SRBD1: variants seen among roughly 807,000 people sequenced by gnomAD.
The protein encoded by SRBD1 is S1 RNA-binding domain-containing protein 1.
SRBD1 carries 88 observed loss-of-function variants against 115.3 expected under a neutral mutation model. The ratio of observed to expected loss-of-function variants is 0.76; its 90% CI spans 0.64 to 0.91. SRBD1 has a LOEUF of 0.91. Among genes scored for constraint, SRBD1 ranks in the 40% least tolerant of loss-of-function variants. SRBD1 has a pLI of 0.00. For missense variants in SRBD1, 1,385 were observed against 1,177.4 expected (o/e 1.18, Z -2.58); for synonymous variants, 509 against 407.7 (o/e 1.25, Z -2.99).
intron 16 of SRBD1, among the ~76,000 whole-genome samples, chr2:45,432,313 G>A (rs1668365698): frequency 6.6e-6 from 1 of 151,612 alleles, no homozygotes; most frequent in South Asian, 2.1e-4. Context: ...ACAGGTGTGA[G>A]CCACTGCGCC....
chr2:45,561,208 T>C (rs1672655384), intron 10 of SRBD1, among the ~76,000 whole-genome samples: 2 of 152,246 alleles, frequency 1.3e-5, no homozygotes, highest in African/African-American at 4.8e-5. Flanking sequence ...TAAATGCTAA[T>C]TGTAAATTGT....
intron 9 of SRBD1, among the ~76,000 whole-genome samples, chr2:45,571,256 A>AT (rs1396503523): frequency 1.3e-5 from 2 of 151,694 alleles, no homozygotes; most frequent in Non-Finnish European, 2.9e-5. Flanking sequence ...CTTTTAGGGG[A>AT]TTTTTTTCTT....
At chr2:45,603,781 T>G (rs1343786505) in intron 2 of SRBD1, among the ~76,000 whole-genome samples, 1 of 152,140 alleles carries the variant, frequency 6.6e-6, no homozygotes, top group Non-Finnish European at 1.5e-5. Context: ...CAGCCCGACG[T>G]GGCCTCCCAA....
At chr2:45,574,837 A>C in intron 7 of SRBD1, 114 bp from the exon 8 acceptor site, 1 of 881,330 alleles carries the variant, frequency 1.1e-6, no homozygotes, top group Non-Finnish European at 1.7e-6. Flanking sequence ...TTAAGTTGAC[A>C]GTCTTAAGAC....
intron 14 of SRBD1, among the ~76,000 whole-genome samples, chr2:45,543,408 C>T (rs947371266): frequency 3.9e-5 from 6 of 152,122 alleles, no homozygotes; most frequent in Non-Finnish European, 7.3e-5. Flanking sequence ...ATTTGTTAAC[C>T]TATGGCAGCA....
chr2:45,495,261 T>C (rs1670419890), intron 14 of SRBD1, among the ~76,000 whole-genome samples: 2 of 152,240 alleles, frequency 1.3e-5, no homozygotes, highest in Admixed American at 1.3e-4. Context: ...TAATTTGGAT[T>C]TTGGGGTTCC....
intron 11 of SRBD1, among the ~76,000 whole-genome samples, chr2:45,551,773 T>C (rs539662585): frequency 1.3e-5 from 2 of 151,886 alleles, no homozygotes; most frequent in South Asian, 4.2e-4. Flanking sequence ...AAAAAACAGA[T>C]CACAAAGGGT....
At chr2:45,545,341 C>T (rs931132236) in intron 14 of SRBD1, among the ~76,000 whole-genome samples, 1 of 146,546 alleles carries the variant, frequency 6.8e-6, no homozygotes, top group Non-Finnish European at 1.5e-5. Flanking sequence ...TTGTCTGACC[C>T]CACAGTTCAT....
Position 45,479,758 on chromosome 2 carries a change from C to T in SRBD1, c.1967-2683G>A, listed in dbSNP as rs1382221158. Among the ~76,000 whole-genome samples, 8 of 152,176 alleles carry T rather than the reference C, an allele frequency of 5.3e-5. No homozygotes were observed. In the East Asian group the frequency reaches 1.5e-3, roughly 29 times the overall value. On this transcript the variant is annotated intron_variant, in intron 15 of 20. Transcript: ENST00000263736. Reference sequence around the variant, plus strand: ...TAATGAAGGTGGCTACAATAAACAGCAGATTGTCAATGTAAACAAAATAGC... The same window carrying T: ...TAATGAAGGTGGCTACAATAAACAGTAGATTGTCAATGTAAACAAAATAGC...
At chr2:45,488,601 T>C (rs898237281) in intron 14 of SRBD1, among the ~76,000 whole-genome samples, 1 of 152,186 alleles carries the variant, frequency 6.6e-6, no homozygotes, top group East Asian at 1.9e-4. Context: ...CTGGTAACAA[T>C]AGATGGTTTA....
chr2:45,594,922 G>C (rs965915375), intron 4 of SRBD1, among the ~76,000 whole-genome samples: 1 of 152,188 alleles, frequency 6.6e-6, no homozygotes, highest in Non-Finnish European at 1.5e-5. Context: ...AAAGACTGAA[G>C]TAACTTCATT....
intron 9 of SRBD1, among the ~76,000 whole-genome samples, chr2:45,571,538 A>C (rs960372630): frequency 7.2e-6 from 1 of 138,688 alleles, no homozygotes; most frequent in Non-Finnish European, 1.5e-5. Context: ...AAAAAAAAAA[A>C]AAAACTGTCC....
At chr2:45,488,090 C>T (rs1012641920) in intron 15 of SRBD1, 150 bp downstream of exon 15, 23 of 658,500 alleles carry the variant, frequency 3.5e-5, no homozygotes, top group Non-Finnish European at 4.0e-5. Context: ...AATTATTAGT[C>T]CAATTAACCA....
Position 45,551,224 on chromosome 2 carries a change from G to C in SRBD1, c.1576C>G (p.Arg526Gly). The C allele has an allele frequency of 6.2e-7, 1 of 1,613,072 alleles. No individual in the cohort carries two copies. The highest frequency in any genetic ancestry group is 8.5e-7 in the Non-Finnish European group (1 of 1,179,852). The change falls in exon 12 of 21, where the codon CGT becomes GGT. Residue 526 changes from arginine (R) to glycine (G), a missense_variant. Transcript: ENST00000263736. ...ESVMMFGRNL[R>G]QLLLTSPVPG... Reference sequence around the variant, plus strand: ...ACAGGGCTTGTTAAAAGGAGCTGACGAAGGTTCCGTCCAAACATCATTACT... The same window carrying C: ...ACAGGGCTTGTTAAAAGGAGCTGACCAAGGTTCCGTCCAAACATCATTACT...
intron 1 of SRBD1, among the ~76,000 whole-genome samples, chr2:45,606,375 G>T (rs1053015292): frequency 6.6e-6 from 1 of 152,006 alleles, no homozygotes; most frequent in Non-Finnish European, 1.5e-5. Context: ...GGTCAGGCTG[G>T]TCTTGAACTC....
chr2:45,520,652 A>T (rs1671254423), intron 14 of SRBD1, among the ~76,000 whole-genome samples: 1 of 151,322 alleles, frequency 6.6e-6, no homozygotes, highest in Admixed American at 6.6e-5. Flanking sequence ...TGAAGAGACA[A>T]GCAAATGGCA....
intron 6 of SRBD1, among the ~76,000 whole-genome samples, chr2:45,580,610 C>T (rs1000047315): frequency 7.4e-5 from 11 of 148,092 alleles, no homozygotes; most frequent in East Asian, 3.9e-4. Flanking sequence ...CTGCCCGCCT[C>T]GGCCTCCCAA....
chr2:45,538,831 G>C (rs1671844932), intron 14 of SRBD1, among the ~76,000 whole-genome samples: 1 of 152,042 alleles, frequency 6.6e-6, no homozygotes, highest in Non-Finnish European at 1.5e-5. Context: ...ATGATTCTCT[G>C]AGTAATGACA....
At chr2:45,557,488 T>A (rs1245998670) in intron 10 of SRBD1, among the ~76,000 whole-genome samples, 1 of 152,186 alleles carries the variant, frequency 6.6e-6, no homozygotes, top group African/African-American at 2.4e-5. Flanking sequence ...TGGACTGCTC[T>A]CCTCCCCTTC....
Sources: gnomAD v4.1 joint callset for allele counts (sites outside exome capture counted in the v4.1 genomes callset) on GRCh38, gnomAD v4.1.1 for gene constraint, MANE v1.5 for transcripts, NCBI Gene and HGNC (gene_info 2026-07-23, HGNC 2026-07-21) for gene names.